Variants in CHMP2A observed in about 807,000 individuals in gnomAD.
CHMP2A encodes the protein charged multivesicular body protein 2A, also known as VPS2 homolog A.
Under a neutral mutation model 21.8 loss-of-function variants are expected in CHMP2A, and 6 were observed. The ratio of observed to expected loss-of-function variants is 0.28; its 90% CI spans 0.15 to 0.54. The LOEUF is 0.54. CHMP2A is among the 20% of genes least tolerant of loss of function. CHMP2A has a pLI of 0.95. For missense variants in CHMP2A, 303 were observed against 293.9 expected (o/e 1.03, Z -0.23); for synonymous variants, 125 against 107.0 (o/e 1.17, Z -1.04).
chr19:58,552,162 C>T lies in CHMP2A; in HGVS notation c.372G>A (p.Lys124=), dbSNP rs1462154571. ...CCTGCCGCTCAAACTCCATCATGAT[C>T]TTCTGGATCTGGGGCAACTTCAGCT... ...NRQLKLPQIQ[K]IMMEFERQAE... is the part of the protein sequence containing the mutation. The change falls in exon 4 of 6, where the codon AAG becomes AAA. Residue 124 remains lysine (K), a synonymous_variant. Transcript: ENST00000312547. The T allele has an allele frequency of 1.1e-5, 18 of 1,614,226 alleles. No individual in the cohort carries two copies. The highest frequency in any genetic ancestry group is 1.6e-4 in the Middle Eastern group (1 of 6,062).
intron 5 of CHMP2A, 31 bp from the exon 6 acceptor site, chr19:58,551,807 G>A (rs1301481046): frequency 1.2e-6 from 2 of 1,613,980 alleles, no homozygotes; most frequent in South Asian, 1.1e-5. Context: ...TGAGCAGGTG[G>A]GGTCAGGCAG....
Position 58,551,775 on chromosome 19 carries a change from G to T in CHMP2A, c.543C>A (p.Asn181Lys). 1.2e-6 allele frequency: 2 copies of T among 1,614,124 alleles called. No homozygotes were observed. The change falls in exon 6 of 6, where the codon AAC becomes AAA. Residue 181 changes from asparagine (N) to lysine (K), a missense_variant and splice_region_variant. Physicochemically the swap from Asn to Lys is moderately conservative, Grantham distance 94. Transcript: ENST00000312547. ...TAAGCGAGCCCCCAGTTGAGGGGAG[G>T]TCTGCAGAGAAAGTGGGGGTTTGAG... is the stretch of plus-strand genomic sequence containing the variant. ...LGLSLTDELS[N>K]LPSTGGSLSV...
At chr19:58,553,182 C>A (rs936166825) in intron 2 of CHMP2A, among the ~76,000 whole-genome samples, 6 of 151,698 alleles carry the variant, frequency 4.0e-5, no homozygotes, top group Admixed American at 1.3e-4. Context: ...CTCAGCCTCT[C>A]GAATAGCTGG....
rs779893354 is a variant in CHMP2A at position 58,552,063 on chromosome 19, T to C, written c.471A>G (p.Glu157=). 7.8e-5 allele frequency: 126 copies of C among 1,614,142 alleles called. No individual in the cohort carries two copies. In the East Asian group the frequency reaches 2.7e-3, roughly 35 times the overall value. Residue 157 remains glutamate (E), a synonymous_variant, in exon 4 of 6, where the codon GAA becomes GAG. Coordinates refer to ENST00000312547, the MANE Select transcript of CHMP2A (RefSeq NM_014453.4). The stretch of plus-strand genomic sequence containing the variant: ...ATCCAGTTTCCCCATACCTCTCCTC[T>C]TCATCTTCCTCATCACCCATGGCAT... The part of the protein sequence containing the change: ...IDDAMGDEED[E]EESDAVVSQV...
intron 1 of CHMP2A, 197 bp from the exon 2 acceptor site, chr19:58,554,433 A>G: frequency 1.8e-6 from 1 of 545,230 alleles, no homozygotes; most frequent in South Asian, 2.6e-5. Context: ...TAGACCTGAA[A>G]ATTATCCAAG....
In CHMP2A at chr19:58,551,640, C is replaced by A. The variant is rs776878201; in HGVS notation, c.*9G>T. The A allele has an allele frequency of 6.2e-7, 1 of 1,612,560 alleles. No homozygotes were observed. Among genetic ancestry groups the A allele is most frequent in the Admixed American group, 1.7e-5 (1 of 59,870 alleles). ...GCATCCACTGGTTATCTCGGAGTGG[C>A]AGGGGCACTCAGTCCCTCCGCAGGT... On this transcript the variant is annotated 3_prime_UTR_variant, in exon 6 of 6. Transcript: ENST00000312547.
chr19:58,551,705 G>C lies in CHMP2A; in HGVS notation c.613C>G (p.Leu205Val). 6.2e-7 allele frequency: 1 copy of C among 1,614,138 alleles called. No individual in the cohort carries two copies. The highest frequency in any genetic ancestry group is 8.5e-7 in the Non-Finnish European group (1 of 1,180,032). Residue 205 changes from leucine (L) to valine (V), a missense_variant, in exon 6 of 6, where the codon CTA becomes GTA. Physicochemically the swap from Leu to Val is conservative, Grantham distance 32 (BLOSUM62 1). Transcript: ENST00000312547. ...GKKAEAAASA[L>V]ADADADLEER... ...TCCAGGTCTGCATCAGCATCAGCTA[G>C]GGCTGAGGCTGCGGCCTCTGCTTTT...
chr19:58,553,838 G>C (rs2053860873), intron 2 of CHMP2A: 2 of 629,716 alleles, frequency 3.2e-6, no homozygotes. Context: ...GCCCAGATCT[G>C]TAGGCTCACT....
At chr19:58,552,498 AC>A in intron 2 of CHMP2A, 60 bp from the exon 3 acceptor site, 1 of 1,529,242 alleles carries the variant, frequency 6.5e-7, no homozygotes, top group Non-Finnish European at 8.9e-7. Context: ...ACTTCTTGAC[AC>A]CCCATTAGTT....
chr19:58,552,587 GTCCC>G (rs1483804156), intron 2 of CHMP2A, 149 bp from the exon 3 acceptor site: 3 of 760,688 alleles, frequency 3.9e-6, no homozygotes, highest in East Asian at 5.4e-5. Flanking sequence ...ATGGTCACTG[GTCCC>G]TCCCTCCTTC....
rs781262761 is a variant in CHMP2A, at chr19:58,551,982, G to A, written c.480-15C>T. The A allele has an allele frequency of 1.2e-6, 2 of 1,614,008 alleles. No homozygotes were observed. The highest frequency in any genetic ancestry group is 4.5e-5 in the East Asian group (2 of 44,900). On this transcript the variant is annotated splice_polypyrimidine_tract_variant and intron_variant, in intron 4 of 5. Coordinates refer to ENST00000312547, the MANE Select transcript of CHMP2A (RefSeq NM_014453.4). ...CCACAGCATCACTAGGGAAGAGAGA[G>A]AACTCAGTGAGGGCTATGCACTCCG... is the stretch of plus-strand genomic sequence containing the variant.
At position 58,551,721 on chromosome 19, in the gene CHMP2A, C is replaced by T. The variant is rs746021727; in HGVS notation, c.597G>A (p.Glu199=). The change falls in exon 6 of 6, where the codon GAG becomes GAA. Residue 199 remains glutamate (E), a synonymous_variant. Transcript: ENST00000312547. ...LSVAAGGKKA[E]AAASALADAD... The stretch of plus-strand genomic sequence containing the variant: ...CATCAGCTAGGGCTGAGGCTGCGGC[C>T]TCTGCTTTTTTCCCACCAGCAGCCA... 1.9e-6 allele frequency: 3 copies of T among 1,613,998 alleles called. No homozygotes were observed. Among genetic ancestry groups the T allele is most frequent in the African/African-American group, 2.7e-5 (2 of 74,904 alleles).
In CHMP2A at chr19:58,551,631, T is replaced by G; in HGVS notation, c.*18A>C. 6.2e-7 allele frequency: 1 copy of G among 1,612,048 alleles called. No individual in the cohort carries two copies. Among genetic ancestry groups the G allele is most frequent in the Non-Finnish European group, 8.5e-7 (1 of 1,178,744 alleles). ...AGATCCTGGGCATCCACTGGTTATCTCGGAGTGGCAGGGGCACTCAGTCCC... is the reference window on the plus strand; with the variant it reads ...AGATCCTGGGCATCCACTGGTTATCGCGGAGTGGCAGGGGCACTCAGTCCC... On this transcript the variant is annotated 3_prime_UTR_variant, in exon 6 of 6. Transcript: ENST00000312547.
rs1379442930 is a variant in CHMP2A at position 58,553,925 on chromosome 19, C to T, written c.168+120G>A. 3 of 1,328,520 alleles carry T rather than the reference C, an allele frequency of 2.3e-6. No individual in the cohort carries two copies. The African/African-American group carries it at 4.4e-5, about 19-fold the overall frequency. 82.3% of individuals were successfully genotyped at this position (1,328,520 alleles called of 1,614,324 possible). A position where few individuals can be genotyped will look rare whatever the true frequency, so the allele number is the denominator to read the frequency against. On this transcript the variant is annotated intron_variant, in intron 2 of 5. Transcript: ENST00000312547. ...AGACCCTCAAACTAGGGAAGCCCTG[C>T]TGACCTTTCACTCCACTCGTTTTGC...
At chr19:58,552,513 T>C in intron 2 of CHMP2A, 75 bp from the exon 3 acceptor site, 1 of 1,460,348 alleles carries the variant, frequency 6.8e-7, no homozygotes, top group Admixed American at 1.9e-5. Context: ...ATTAGTTGGT[T>C]GTCCCTCCCC....
chr19:58,552,876 T>G (rs2053849152), intron 2 of CHMP2A, among the ~76,000 whole-genome samples: 1 of 152,172 alleles, frequency 6.6e-6, no homozygotes, highest in African/African-American at 2.4e-5. Context: ...TATCTGAGGC[T>G]CAGCTTTTGA....
rs778221913 is a variant in CHMP2A, at chr19:58,551,690, C to T, written c.628G>A (p.Ala210Thr). 1.5e-5 allele frequency: 24 copies of T among 1,614,156 alleles called. No individual in the cohort carries two copies. The highest frequency in any genetic ancestry group is 2.2e-5 in the East Asian group (1 of 44,882). ...AAASALADAD[A>T]DLEERLKNLR... Reference sequence around the variant, plus strand: ...TTCTTAAGCCGTTCCTCCAGGTCTGCATCAGCATCAGCTAGGGCTGAGGCT... The same window carrying T: ...TTCTTAAGCCGTTCCTCCAGGTCTGTATCAGCATCAGCTAGGGCTGAGGCT... The change falls in exon 6 of 6, where the codon GCA (alanine) becomes ACA (threonine). Residue 210 changes from alanine (A) to threonine (T), a missense_variant. Transcript: ENST00000312547.
chr19:58,552,400 G>C lies in CHMP2A; in HGVS notation c.207C>G (p.Thr69=). 1 of 1,614,150 alleles carries C rather than the reference G, an allele frequency of 6.2e-7. No individual in the cohort carries two copies. Among genetic ancestry groups the C allele is most frequent in the Non-Finnish European group, 8.5e-7 (1 of 1,180,030 alleles). Residue 69 remains threonine (T), a synonymous_variant, in exon 3 of 6, where the codon ACC becomes ACG. Coordinates refer to ENST00000312547, the MANE Select transcript of CHMP2A (RefSeq NM_014453.4). ...VRIMAKDLVR[T]RRYVRKFVLM... ...ATACAAACTTGCGCACATAGCGCCG[G>C]GTGCGCACCAAGTCTTTTGCCATGA...
rs748212221 is a variant in CHMP2A at position 58,551,976 on chromosome 19, G to A, written c.480-9C>T. On this transcript the variant is annotated splice_polypyrimidine_tract_variant and intron_variant, in intron 4 of 5. Transcript: ENST00000312547. Reference sequence around the variant, plus strand: ...GGGACACCACAGCATCACTAGGGAAGAGAGAGAACTCAGTGAGGGCTATGC... The same window carrying A: ...GGGACACCACAGCATCACTAGGGAAAAGAGAGAACTCAGTGAGGGCTATGC... 1 of 1,614,066 alleles carries A rather than the reference G, an allele frequency of 6.2e-7. No homozygotes were observed. The highest frequency in any genetic ancestry group is 1.1e-5 in the South Asian group (1 of 91,070).
Sources: allele counts gnomAD v4.1 joint callset (sites outside exome capture counted in the v4.1 genomes callset), GRCh38; gene constraint gnomAD v4.1.1; transcripts MANE v1.5; gene names NCBI Gene and HGNC (gene_info 2026-07-23, HGNC 2026-07-21).